The following HTR2B variants were observed in gnomAD, a reference collection of about 807,000 sequenced individuals.
HTR2B encodes 5-hydroxytryptamine receptor 2B, also known as 5-HT 2B receptor.
Under a neutral mutation model 39.8 loss-of-function variants are expected in HTR2B, and 31 were observed. The observed-to-expected ratio is 0.78, with a 90% confidence interval of 0.58 to 1.05. The LOEUF (loss-of-function observed/expected upper bound fraction) is 1.05. HTR2B is among the 50% of genes least tolerant of loss of function. The pLI is 0.00. For synonymous variants in HTR2B, 210 were observed against 207.1 expected (o/e 1.01, Z -0.12); for missense variants, 562 against 578.0 (o/e 0.97, Z 0.28).
Position 231,123,746 on chromosome 2 carries a change from C to G in HTR2B, c.19G>C (p.Val7Leu). MALSYR[V>L]SELQSTIPEH... Reference sequence around the variant, plus strand: ...GGAATTGTGCTTTGAAGTTCAGACACTCTGTAAGAGAGAGCCATTTGCTGT... The same window carrying G: ...GGAATTGTGCTTTGAAGTTCAGACAGTCTGTAAGAGAGAGCCATTTGCTGT... The change falls in exon 2 of 4, where the codon GTG becomes CTG. Residue 7 changes from valine (V) to leucine (L), a missense_variant. By Grantham distance (32) the Val-to-Leu change is conservative. Coordinates refer to ENST00000258400, the MANE Select transcript of HTR2B (RefSeq NM_000867.5). The G allele has an allele frequency of 6.2e-7, 1 of 1,613,804 alleles. No homozygotes were observed.
intron 2 of HTR2B, among the ~76,000 whole-genome samples, chr2:231,118,383 G>T (rs1695416579): frequency 6.6e-6 from 1 of 152,146 alleles, no homozygotes; most frequent in South Asian, 2.1e-4. Context: ...ATCTGATTCA[G>T]CTTAAAACTT....
At chr2:231,123,338 TTAAATGAGTGTC>T in intron 2 of HTR2B, 63 bp downstream of exon 2, 1 of 1,069,114 alleles carries the variant, frequency 9.4e-7, no homozygotes, top group Non-Finnish European at 1.5e-6. Flanking sequence ...AAAGTAAAGA[TTAAATGAGTGTC>T]CATTCTCTAA....
At chr2:231,109,469 G>T (rs1217156914) in intron 3 of HTR2B, 60 bp from the exon 4 acceptor site, 8 of 1,365,818 alleles carry the variant, frequency 5.9e-6, no homozygotes, top group Non-Finnish European at 8.4e-6. Context: ...TCTTCGATTA[G>T]ATCCTTTTGG....
At chr2:231,123,049 A>G (rs907306754) in intron 2 of HTR2B, among the ~76,000 whole-genome samples, 3 of 152,156 alleles carry the variant, frequency 2.0e-5, no homozygotes, top group Non-Finnish European at 4.4e-5. Context: ...GAAGTGTCCT[A>G]GTTATTGCTT....
rs563375305 is a variant in HTR2B at position 231,119,103 on chromosome 2, A to G, written c.352+4310T>C. 5.9e-5 allele frequency among the ~76,000 whole-genome samples: 9 copies of G among 152,292 alleles called. No individual in the cohort carries two copies. The South Asian group carries it at 1.9e-3, about 32-fold the overall frequency. ...AGTGTCTAATATGATAGTGTTTTAA[A>G]TGTTTTAAGCATTTTAATGCTTACA... On this transcript the variant is annotated intron_variant, in intron 2 of 3. Transcript: ENST00000258400.
intron 3 of HTR2B, among the ~76,000 whole-genome samples, chr2:231,110,574 C>T (rs1695124641): frequency 1.3e-5 from 2 of 152,218 alleles, no homozygotes; most frequent in South Asian, 2.1e-4. Context: ...CCCTCATCTA[C>T]ACACCCTTTT....
At chr2:231,113,652 A>G (rs1340834246) in intron 3 of HTR2B, 77 bp downstream of exon 3, 1 of 1,296,402 alleles carries the variant, frequency 7.7e-7, no homozygotes, top group Non-Finnish European at 1.1e-6. Context: ...TTCATTGCCT[A>G]CCAGACCTGG....
rs1052837205 is a variant in HTR2B, at chr2:231,116,433, C to T, written c.353-2504G>A. Among the ~76,000 whole-genome samples the T allele has an allele frequency of 5.3e-5, 8 of 152,114 alleles. No individual in the cohort carries two copies. In the South Asian group the frequency reaches 1.7e-3, roughly 32 times the overall value. ...CTTGAAGTCCTTACTCTCTCTGTAA[C>T]ATCTTTTAAAATAGTTTGCCAACTA... On this transcript the variant is annotated intron_variant, in intron 2 of 3. Transcript: ENST00000258400.
At position 231,108,575 on chromosome 2, in the gene HTR2B, G is replaced by T. The variant is rs150480687; in HGVS notation, c.1388C>A (p.Thr463Lys). Residue 463 changes from threonine (T) to lysine (K), a missense_variant, in exon 4 of 4, where the codon ACG (threonine) becomes AAG (lysine). Transcript: ENST00000258400. ...ACCTTCATTTTCAGTGAGGAGAAGCGTATCTAGTAGAATGATTGATGAAGA... is the reference window on the plus strand; with the variant it reads ...ACCTTCATTTTCAGTGAGGAGAAGCTTATCTAGTAGAATGATTGATGAAGA... ...IQSSSIILLD[T>K]LLLTENEGDK... The T allele has an allele frequency of 1.2e-6, 2 of 1,613,798 alleles. No individual in the cohort carries two copies. The highest frequency in any genetic ancestry group is 2.2e-5 in the South Asian group (2 of 91,072).
rs77982984 is a variant in HTR2B, at chr2:231,108,801, G to A, written c.1162C>T (p.Arg388Trp). 8.7e-4 allele frequency: 1,400 copies of A among 1,614,106 alleles called. 7 individuals are homozygous for A. Among genetic ancestry groups the A allele is most frequent in the Non-Finnish European group, 1.1e-4 (135 of 1,180,016 alleles). Reference sequence around the variant, plus strand: ...GTGATATATCGGCCAAATGCATCCCGAAATGTCTTATTGAAGAGGGTGTAG... The same window carrying A: ...GTGATATATCGGCCAAATGCATCCCAAAATGTCTTATTGAAGAGGGTGTAG... ...LVYTLFNKTF[R>W]DAFGRYITCN... The change falls in exon 4 of 4, where the codon CGG becomes TGG. Residue 388 changes from arginine to tryptophan, a missense_variant. By Grantham distance (101) the Arg-to-Trp change is moderately radical. Coordinates refer to ENST00000258400, the MANE Select transcript of HTR2B (RefSeq NM_000867.5).
At position 231,109,148 on chromosome 2, in the gene HTR2B, T is replaced by C. The variant is rs1695069005; in HGVS notation, c.815A>G (p.Glu272Gly). The change falls in exon 4 of 4, where the codon GAA (glutamate) becomes GGA (glycine). Residue 272 changes from glutamate to glycine, a missense_variant. Transcript: ENST00000258400. ...LTVSTVFQRD[E>G]TPCSSPEKVA... ...CTTTTCCGGTGACGAGCAAGGTGTT[T>C]CATCCCTTTGGAAAACTGTAGACAC... 6.2e-7 allele frequency: 1 copy of C among 1,614,070 alleles called. No individual in the cohort carries two copies. The highest frequency in any genetic ancestry group is 8.5e-7 in the Non-Finnish European group (1 of 1,180,012).
Position 231,123,604 on chromosome 2 carries a change from A to C in HTR2B, c.161T>G (p.Leu54Arg), listed in dbSNP as rs766346933. 2 of 1,614,134 alleles carry C rather than the reference A, an allele frequency of 1.2e-6. No individual in the cohort carries two copies. Among genetic ancestry groups the C allele is most frequent in the Admixed American group, 3.3e-5 (2 of 60,020 alleles). Reference protein sequence around the residue: ...KQIVEEQGNKLHWAALLILMV... With the variant: ...KQIVEEQGNKRHWAALLILMV... ...GAGTATCAGAAGAGCTGCCCAGTGC[A>C]GTTTATTTCCCTGTTCCTCAACAAT... Residue 54 changes from leucine to arginine, a missense_variant, in exon 2 of 4, where the codon CTG (leucine) becomes CGG (arginine). Leu to Arg is a moderately radical substitution (Grantham distance 102). Coordinates refer to ENST00000258400, the MANE Select transcript of HTR2B (RefSeq NM_000867.5).
At chr2:231,113,706 A>C (rs774316509) in intron 3 of HTR2B, 23 bp downstream of exon 3, 2 of 1,600,880 alleles carry the variant, frequency 1.2e-6, no homozygotes, top group South Asian at 2.2e-5. Flanking sequence ...TATACCACCC[A>C]CACTCTGGCA....
At chr2:231,121,730 G>A (rs904096228) in intron 2 of HTR2B, among the ~76,000 whole-genome samples, 1 of 152,012 alleles carries the variant, frequency 6.6e-6, no homozygotes, top group Admixed American at 6.5e-5. Context: ...TATCTACCAT[G>A]GTACTTTGCA....
intron 3 of HTR2B, among the ~76,000 whole-genome samples, chr2:231,112,208 A>T (rs1695177616): frequency 6.6e-6 from 1 of 152,090 alleles, no homozygotes; most frequent in Non-Finnish European, 1.5e-5. Flanking sequence ...GAGCTTACCA[A>T]ATGTGAGTCA....
At chr2:231,119,869 CAAA>C (rs78246469) in intron 2 of HTR2B, among the ~76,000 whole-genome samples, 1,930 of 80,090 alleles carry the variant, frequency 0.024, 32 homozygotes, top group African/African-American at 0.082. Flanking sequence ...GACTCCGTCT[CAAA>C]AAAAAAAAAA....
At chr2:231,114,153 C>T (rs565511824) in intron 2 of HTR2B, among the ~76,000 whole-genome samples, 2 of 152,214 alleles carry the variant, frequency 1.3e-5, no homozygotes, top group East Asian at 1.9e-4. Context: ...AATAATTGTG[C>T]CTTTTTTCTA....
At chr2:231,111,371 A>G (rs939341743) in intron 3 of HTR2B, among the ~76,000 whole-genome samples, 1 of 151,912 alleles carries the variant, frequency 6.6e-6, no homozygotes, top group African/African-American at 2.4e-5. Context: ...CATTCTATTA[A>G]CTCATTCTAT....
At chr2:231,122,488 T>C (rs1331227630) in intron 2 of HTR2B, among the ~76,000 whole-genome samples, 1 of 152,170 alleles carries the variant, frequency 6.6e-6, no homozygotes, top group Non-Finnish European at 1.5e-5. Context: ...AGTAATCATT[T>C]TGCTTAGGCA....
Sources: gnomAD v4.1 joint callset for allele counts (sites outside exome capture counted in the v4.1 genomes callset) on GRCh38, gnomAD v4.1.1 for gene constraint, MANE v1.5 for transcripts, NCBI Gene and HGNC (gene_info 2026-07-23, HGNC 2026-07-21) for gene names.